STAU1: variants seen among roughly 807,000 people sequenced by gnomAD.
The protein encoded by STAU1 is staufen double-stranded RNA binding protein 1.
STAU1 carries 13 observed loss-of-function variants against 62.9 expected under a neutral mutation model. The observed-to-expected ratio is 0.21, with a 90% CI of 0.13 to 0.33. STAU1 has a LOEUF of 0.33. Ranked by LOEUF, STAU1 falls within the 10% of genes least tolerant of loss-of-function variation. The pLI, the probability that STAU1 is intolerant of heterozygous loss-of-function variation, is 1.00. For missense variants in STAU1, 571 were observed against 712.1 expected, an observed-to-expected ratio of 0.80 and a Z score of 2.25; for synonymous variants, 269 against 265.1, an observed-to-expected ratio of 1.01 and a Z score of -0.14.
rs1467119282 is a variant in STAU1, at chr20:49,120,016, T to G, written c.1079A>C (p.Gln360Pro). 1 of 1,614,204 alleles carries G rather than the reference T, an allele frequency of 6.2e-7. No homozygotes were observed. ...TGACTTGAGTGCGGGTTTGGTGGGC[T>G]GCGCCTGCGGGACTTTGAAACCAAG... Reference protein sequence around the residue: ...EILGFKVPQAQPTKPALKSEE... With the variant: ...EILGFKVPQAPPTKPALKSEE... Residue 360 changes from glutamine (Q) to proline (P), a missense_variant, in exon 9 of 14, where the codon CAG (glutamine) becomes CCG (proline). Gln to Pro is a moderately conservative substitution (Grantham distance 76). This residue lies in a region of STAU1 where 414 missense variants were observed against 499.6 expected (regional missense o/e 0.83). Transcript: ENST00000371856.
the STAU1 span, among the ~76,000 whole-genome samples, chr20:49,201,741 C>T: frequency 1.3e-5 from 1 of 75,274 alleles, no homozygotes. Flanking sequence ...GACTCTGTCT[C>T]AAAAAAAAAA....
intron 7 of STAU1, among the ~76,000 whole-genome samples, chr20:49,124,110 T>C (rs2092534312): frequency 6.6e-6 from 1 of 152,198 alleles, no homozygotes; most frequent in Admixed American, 6.5e-5. Context: ...TCCTGCCCAA[T>C]ACCCCACTGT....
the STAU1 span, among the ~76,000 whole-genome samples, chr20:49,211,465 T>C: frequency 1.3e-5 from 2 of 151,818 alleles, no homozygotes; most frequent in African/African-American, 4.8e-5. Flanking sequence ...CAATGCAGTC[T>C]TGAGCTCCTC....
intron 3 of STAU1, among the ~76,000 whole-genome samples, chr20:49,157,707 T>C (rs2093383576): frequency 6.6e-6 from 1 of 151,882 alleles, no homozygotes; most frequent in Non-Finnish European, 1.5e-5. Context: ...CTTGGTCTCT[T>C]GACCTTGTGA....
chr20:49,170,785 G>GAA (rs34699924), intron 2 of STAU1, among the ~76,000 whole-genome samples: 74 of 135,760 alleles, frequency 5.5e-4, no homozygotes, highest in East Asian at 1.2e-3. Flanking sequence ...ATGTGTCTGG[G>GAA]AAAAAAAAAA....
chr20:49,118,502 C>G, intron 9 of STAU1, 94 bp from the exon 10 acceptor site: 3 of 980,658 alleles, frequency 3.1e-6, no homozygotes, highest in South Asian at 3.0e-5. Flanking sequence ...AAAGTCCAGT[C>G]AGCAATAACT....
At chr20:49,194,609 G>C in the STAU1 span, among the ~76,000 whole-genome samples, 1 of 127,038 alleles carries the variant, frequency 7.9e-6, no homozygotes. Flanking sequence ...ACAGAGTCTC[G>C]CTCTGTCGCC....
upstream of STAU1, among the ~76,000 whole-genome samples, chr20:49,190,168 A>G (rs535642040): frequency 1.3e-5 from 2 of 152,332 alleles, no homozygotes; most frequent in African/African-American, 4.8e-5. Flanking sequence ...CTAAACCCAA[A>G]GCTGCGCACA....
the STAU1 span, among the ~76,000 whole-genome samples, chr20:49,194,477 G>A: frequency 4.6e-5 from 7 of 151,548 alleles, no homozygotes; most frequent in South Asian, 8.4e-4. Context: ...AAAGGAAACT[G>A]GCCAGGCATG....
the STAU1 span, among the ~76,000 whole-genome samples, chr20:49,212,615 A>ATTTTTTTTTTTTTTT: frequency 3.6e-4 from 31 of 85,174 alleles, 4 homozygotes; most frequent in East Asian, 1.3e-3. Flanking sequence ...AGCTATTGGA[A>ATTTTTTTTTTTTTTT]TTTTTTTTTT....
chr20:49,209,815 G>A, the STAU1 span, among the ~76,000 whole-genome samples: 1,471 of 152,148 alleles, frequency 9.7e-3, 15 homozygotes, highest in East Asian at 0.038. Flanking sequence ...TTGTGAGGCC[G>A]AGGCAGGCGG....
chr20:49,177,180 G>A (rs560540027), intron 1 of STAU1, among the ~76,000 whole-genome samples: 4 of 151,438 alleles, frequency 2.6e-5, no homozygotes, highest in East Asian at 4.0e-4. Flanking sequence ...AAAGTGCTGC[G>A]ATTACAGGCG....
intron 1 of STAU1, among the ~76,000 whole-genome samples, chr20:49,183,932 CTTTT>C (rs543110400): frequency 7.0e-6 from 1 of 142,766 alleles, no homozygotes; most frequent in African/African-American, 2.6e-5. Flanking sequence ...GTATACATGC[CTTTT>C]TTTTTTTTTT....
the STAU1 span, among the ~76,000 whole-genome samples, chr20:49,215,165 A>C: frequency 6.6e-6 from 1 of 152,052 alleles, no homozygotes; most frequent in Admixed American, 6.6e-5. Context: ...GTCTGTTCCC[A>C]CTTTGGGGCT....
chr20:49,171,634 C>T (rs1328046608), intron 2 of STAU1, among the ~76,000 whole-genome samples: 5 of 152,138 alleles, frequency 3.3e-5, no homozygotes, highest in African/African-American at 9.7e-5. Context: ...TTTCTTGCTG[C>T]AATATGGTTG....
chr20:49,140,422 G>A lies in STAU1; in HGVS notation c.511-4491C>T, dbSNP rs148632606. On this transcript the variant is annotated intron_variant, in intron 5 of 13. Coordinates refer to ENST00000371856, the MANE Select transcript of STAU1 (RefSeq NM_017453.4). ...AAAACAACCCAAATGTCCATCAACAGATGACTGGAAAAACAAATATTTACT... is the reference window on the plus strand; with the variant it reads ...AAAACAACCCAAATGTCCATCAACAAATGACTGGAAAAACAAATATTTACT... 4.8e-3 allele frequency among the ~76,000 whole-genome samples: 725 copies of A among 152,206 alleles called. 3 individuals carry two copies. Among genetic ancestry groups the A allele is most frequent in the African/African-American group, 0.017 (686 of 41,508 alleles).
chr20:49,174,949 A>AG (rs2093641205), intron 1 of STAU1, among the ~76,000 whole-genome samples: 1 of 148,536 alleles, frequency 6.7e-6, no homozygotes, highest in Non-Finnish European at 1.5e-5. Flanking sequence ...AAAAAAAAAA[A>AG]AGAGATTGAG....
intron 3 of STAU1, 42 bp from the exon 4 acceptor site, chr20:49,154,113 G>T: frequency 6.4e-7 from 1 of 1,568,748 alleles, no homozygotes; most frequent in Non-Finnish European, 8.6e-7. Flanking sequence ...TTTCTGGTAT[G>T]AGAATGATAC....
At chr20:49,215,276 TC>T in the STAU1 span, among the ~76,000 whole-genome samples, 10 of 152,306 alleles carry the variant, frequency 6.6e-5, no homozygotes, top group African/African-American at 2.4e-4. Context: ...CAGAGAGGGC[TC>T]CCCTAACCAC....
Sources: allele counts gnomAD v4.1 joint callset (sites outside exome capture counted in the v4.1 genomes callset), GRCh38; gene constraint gnomAD v4.1.1; regional missense constraint gnomAD v4.1.1; transcripts MANE v1.5; gene names NCBI Gene and HGNC (gene_info 2026-07-23, HGNC 2026-07-21).